ZDHHC16: variants seen among roughly 807,000 people sequenced by gnomAD.
The protein encoded by ZDHHC16 is palmitoyltransferase ZDHHC16.
ZDHHC16 carries 33 observed loss-of-function variants against 54.4 expected under a neutral mutation model. The observed-to-expected ratio is 0.61, with a 90% confidence interval of 0.46 to 0.81. ZDHHC16 has a LOEUF of 0.81. Among genes scored for constraint, ZDHHC16 ranks in the 30% least tolerant of loss-of-function variants. The pLI is 0.00. For missense variants in ZDHHC16, 420 were observed against 485.9 expected, an observed-to-expected ratio of 0.86 and a Z score of 1.28; for synonymous variants, 185 against 182.1, an observed-to-expected ratio of 1.02 and a Z score of -0.13.
chr10:97,455,743 T>A lies in ZDHHC16; in HGVS notation c.908T>A (p.Ile303Asn). Residue 303 changes from isoleucine to asparagine, a missense_variant, in exon 10 of 12, where the codon ATC becomes AAC. By Grantham distance (149) the Ile-to-Asn change is moderately radical. Transcript: ENST00000393760. ...SRGETSIERH[I>N]NKKERRRLQA... ...GGTGAGACTAGCATCGAAAGGCACA[T>A]CAACAAGAAGGAGAGACGTCGGCTA... The A allele has an allele frequency of 1.9e-6, 3 of 1,614,118 alleles. No homozygotes were observed. The highest frequency in any genetic ancestry group is 2.5e-6 in the Non-Finnish European group (3 of 1,180,022).
intron 1 of ZDHHC16, among the ~76,000 whole-genome samples, chr10:97,449,242 A>C (rs1033249503): frequency 6.7e-6 from 1 of 150,138 alleles, no homozygotes; most frequent in Non-Finnish European, 1.5e-5. Context: ...TTTTTTTAAG[A>C]CTAGAAGAGG....
intron 9 of ZDHHC16, among the ~76,000 whole-genome samples, chr10:97,455,198 C>T (rs1847053482): frequency 6.6e-6 from 1 of 152,300 alleles, no homozygotes; most frequent in East Asian, 1.9e-4. Flanking sequence ...AATTTCATGC[C>T]ATCCCATTCC....
In ZDHHC16 at chr10:97,456,796, C is replaced by CTCTT; in HGVS notation, c.1040_1043dup (p.Leu348PhefsTer5). 1 of 1,613,146 alleles carries CTCTT rather than the reference C, an allele frequency of 6.2e-7. No individual in the cohort carries two copies. Among genetic ancestry groups the CTCTT allele is most frequent in the Non-Finnish European group, 8.5e-7 (1 of 1,179,308 alleles). On this transcript the variant is annotated frameshift_variant, in exon 12 of 12. Coordinates refer to ENST00000393760, the MANE Select transcript of ZDHHC16 (RefSeq NM_198046.3). LOFTEE classifies it high-confidence loss of function. ...TTCTAGGCACTGGCTTACTCGGGTGCTCTTACCTTCTAGTCACTTGCCCCA... is the reference window on the plus strand; with the variant it reads ...TTCTAGGCACTGGCTTACTCGGGTGCTCTTTCTTACCTTCTAGTCACTTGCCCCA...
rs931305074 is a variant in ZDHHC16 at position 97,456,769 on chromosome 10, T to C, written c.1020-8T>C. ...TGAACTCAGAGACATTTCTCTCTTC[T>C]CTTCTAGGCACTGGCTTACTCGGGT... On this transcript the variant is annotated splice_region_variant and splice_polypyrimidine_tract_variant and intron_variant, in intron 11 of 11. Coordinates refer to ENST00000393760, the MANE Select transcript of ZDHHC16 (RefSeq NM_198046.3). The C allele has an allele frequency of 1.3e-6, 2 of 1,592,566 alleles. No individual in the cohort carries two copies. Among genetic ancestry groups the C allele is most frequent in the African/African-American group, 2.7e-5 (2 of 74,460 alleles).
intron 1 of ZDHHC16, among the ~76,000 whole-genome samples, chr10:97,447,749 C>T (rs575541446): frequency 6.6e-5 from 10 of 152,156 alleles, no homozygotes; most frequent in Admixed American, 4.6e-4. Flanking sequence ...TGGAGAAACC[C>T]GGTCTCTACT....
intron 1 of ZDHHC16, among the ~76,000 whole-genome samples, chr10:97,447,765 A>T (rs1209843845): frequency 6.6e-6 from 1 of 152,104 alleles, no homozygotes; most frequent in Non-Finnish European, 1.5e-5. Flanking sequence ...CTACTAAAAA[A>T]ATACAAAATT....
At chr10:97,456,150 C>CACAGTTCTAGACTCTAGG (rs1491486701) in intron 11 of ZDHHC16, 106 bp downstream of exon 11, 1 of 1,175,988 alleles carries the variant, frequency 8.5e-7, no homozygotes, top group Non-Finnish European at 1.2e-6. Context: ...ACTGTGTTAG[C>CACAGTTCTAGACTCTAGG]ACAGTTCTAG....
intron 1 of ZDHHC16, among the ~76,000 whole-genome samples, chr10:97,447,050 C>G (rs1846131585): frequency 6.6e-6 from 1 of 152,190 alleles, no homozygotes; most frequent in Non-Finnish European, 1.5e-5. Flanking sequence ...TCCTGCGGTC[C>G]GATCCTCTTC....
At position 97,446,187 on chromosome 10, in the gene ZDHHC16, G is replaced by T; in HGVS notation, c.-352G>T. ...GGCGCCTGCGCGTGTGGTTGAGGAT[G>T]GGCTGGCGGCGGGTCCGGGTCCGCT... On this transcript the variant is annotated 5_prime_UTR_variant, in exon 1 of 12. An upstream start codon of the reference 5' UTR is lost. Coordinates refer to ENST00000393760, the MANE Select transcript of ZDHHC16 (RefSeq NM_198046.3). 1.3e-6 allele frequency: 1 copy of T among 753,938 alleles called. No individual in the cohort carries two copies. The highest frequency in any genetic ancestry group is 2.2e-6 in the Non-Finnish European group (1 of 464,786). 46.7% of individuals were successfully genotyped at this position (753,938 alleles called of 1,614,324 possible).
intron 1 of ZDHHC16, among the ~76,000 whole-genome samples, chr10:97,449,427 T>C (rs754744299): frequency 2.0e-5 from 3 of 152,156 alleles, no homozygotes; most frequent in Non-Finnish European, 4.4e-5. Context: ...GGTAATCTGT[T>C]TTGTCCCACT....
rs190402299 is a variant in ZDHHC16 at position 97,454,931 on chromosome 10, C to T, written c.824+132C>T. ...AGTCTAACTTAGGTTGGCAGAGAGC[C>T]AGCACTTTCTTCAGCATTCAGGGCA... On this transcript the variant is annotated intron_variant, in intron 9 of 11. Transcript: ENST00000393760. 475 of 739,450 alleles carry T rather than the reference C, an allele frequency of 6.4e-4. 2 individuals carry two copies. Among genetic ancestry groups the T allele is most frequent in the Middle Eastern group, 1.5e-3 (6 of 4,058 alleles). 45.8% of individuals were successfully genotyped at this position (739,450 alleles called of 1,614,324 possible).
At chr10:97,449,105 T>C (rs1846361460) in intron 1 of ZDHHC16, among the ~76,000 whole-genome samples, 1 of 152,190 alleles carries the variant, frequency 6.6e-6, no homozygotes, top group Non-Finnish European at 1.5e-5. Context: ...ACGGAACTGC[T>C]TAGGGACAGA....
chr10:97,454,719 T>C lies in ZDHHC16; in HGVS notation c.744T>C (p.Tyr248=), dbSNP rs569815419. The change falls in exon 9 of 12, where the codon TAT becomes TAC. Residue 248 remains tyrosine (Y), a synonymous_variant. Coordinates refer to ENST00000393760, the MANE Select transcript of ZDHHC16 (RefSeq NM_198046.3). ...NKLQAVANQT[Y]HQTPPPTFSF... ...TTGCTGTTTTCTTTTTCTAGACTTA[T>C]CACCAGACCCCACCACCCACCTTCT... 131 of 1,614,146 alleles carry C rather than the reference T, an allele frequency of 8.1e-5. 1 individual carries two copies. In the South Asian group the frequency reaches 1.3e-3, roughly 16 times the overall value.
chr10:97,446,221 C>A lies in ZDHHC16; in HGVS notation c.-318C>A. On this transcript the variant is annotated 5_prime_UTR_variant, in exon 1 of 12. In the 5' UTR this introduces an upstream ATG that the reference lacks. Coordinates refer to ENST00000393760, the MANE Select transcript of ZDHHC16 (RefSeq NM_198046.3). ...GCGGGTCCGGGTCCGCTGCCTGGCG[C>A]TGCGGGCGGCGGGCCATGGTGGTTT... 4.8e-6 allele frequency: 3 copies of A among 622,484 alleles called. No individual in the cohort carries two copies. In the South Asian group the frequency reaches 5.7e-5, roughly 12 times the overall value. The allele number at this position is 622,484 out of a possible 1,614,324, so 38.6% of individuals were successfully genotyped here. A position where few individuals can be genotyped will look rare whatever the true frequency, so the allele number is the denominator to read the frequency against.
Position 97,456,817 on chromosome 10 carries a change from C to T in ZDHHC16, c.1060C>T (p.Pro354Ser), listed in dbSNP as rs779574210. 2 of 1,613,766 alleles carry T rather than the reference C, an allele frequency of 1.2e-6. No individual in the cohort carries two copies. The highest frequency in any genetic ancestry group is 1.7e-6 in the Non-Finnish European group (2 of 1,179,840). ...TRVLLPSSHL[P>S]HGNGMSWEPP... ...GGTGCTCTTACCTTCTAGTCACTTGCCCCATGGGAATGGAATGAGCTGGGA... is the reference window on the plus strand; with the variant it reads ...GGTGCTCTTACCTTCTAGTCACTTGTCCCATGGGAATGGAATGAGCTGGGA... Residue 354 changes from proline (P) to serine (S), a missense_variant, in exon 12 of 12, where the codon CCC becomes TCC. Physicochemically the swap from Pro to Ser is moderately conservative, Grantham distance 74. Coordinates refer to ENST00000393760, the MANE Select transcript of ZDHHC16 (RefSeq NM_198046.3).
Position 97,453,854 on chromosome 10 carries a change from G to C in ZDHHC16, c.738+8G>C, listed in dbSNP as rs376151212. ...CAGGCGGTTGCCAACCAGGTGGGCTGTCCCCACCCCACTGCCTCCTGCTGC... is the reference window on the plus strand; with the variant it reads ...CAGGCGGTTGCCAACCAGGTGGGCTCTCCCCACCCCACTGCCTCCTGCTGC... On this transcript the variant is annotated splice_region_variant and intron_variant, in intron 8 of 11. Transcript: ENST00000393760. 3.7e-6 allele frequency: 6 copies of C among 1,614,048 alleles called. No homozygotes were observed. The highest frequency in any genetic ancestry group is 5.1e-6 in the Non-Finnish European group (6 of 1,180,044).
intron 8 of ZDHHC16, 80 bp downstream of exon 8, chr10:97,453,926 C>T: frequency 1.9e-6 from 3 of 1,588,766 alleles, no homozygotes; most frequent in Non-Finnish European, 2.6e-6. Flanking sequence ...GGCCGACCTG[C>T]CCATGTAGTT....
intron 10 of ZDHHC16, 69 bp from the exon 11 acceptor site, chr10:97,455,905 G>A: frequency 6.2e-7 from 1 of 1,609,342 alleles, no homozygotes; most frequent in Non-Finnish European, 8.5e-7. Flanking sequence ...TACTCTATCT[G>A]AGCTTTAGCT....
At position 97,448,965 on chromosome 10, in the gene ZDHHC16, G is replaced by C. The variant is rs1289783454; in HGVS notation, c.-185-1392G>C. 3.3e-5 allele frequency among the ~76,000 whole-genome samples: 5 copies of C among 152,306 alleles called. No individual in the cohort carries two copies. The East Asian group carries it at 9.6e-4, about 29-fold the overall frequency. On this transcript the variant is annotated intron_variant, in intron 1 of 11. Coordinates refer to ENST00000393760, the MANE Select transcript of ZDHHC16 (RefSeq NM_198046.3). ...CCCTCCGCAGATATGGGGGTTGACT[G>C]TATCTGTATAGTTACAGAATCATAA...
Sources: gnomAD v4.1 joint callset for allele counts (sites outside exome capture counted in the v4.1 genomes callset) on GRCh38, gnomAD v4.1.1 for gene constraint, MANE v1.5 for transcripts, NCBI Gene and HGNC (gene_info 2026-07-23, HGNC 2026-07-21) for gene names.